The following MSRA variants were observed in gnomAD, a reference collection of about 807,000 sequenced individuals.
MSRA encodes the protein mitochondrial peptide methionine sulfoxide reductase.
Under a neutral mutation model 31.3 loss-of-function variants are expected in MSRA, and 54 were observed. The ratio of observed to expected loss-of-function variants is 1.73; its 90% confidence interval spans 1.39 to 2.17. The LOEUF (loss-of-function observed/expected upper bound fraction) is 2.17. Ranked by LOEUF, MSRA falls within the 30% of genes most tolerant of loss-of-function variation. MSRA has a pLI of 0.00. For synonymous variants in MSRA, 169 were observed against 116.5 expected, an observed-to-expected ratio of 1.45 and a Z score of -2.90; for missense variants, 507 against 300.9, an observed-to-expected ratio of 1.69 and a Z score of -5.07.
intron 3 of MSRA, among the ~76,000 whole-genome samples, chr8:10,258,343 A>G (rs1004593349): frequency 1.3e-5 from 2 of 152,214 alleles, no homozygotes; most frequent in Non-Finnish European, 2.9e-5. Flanking sequence ...AAAGTGAGAA[A>G]GACAAAACAC....
At chr8:10,251,243 T>C (rs887093198) in intron 3 of MSRA, among the ~76,000 whole-genome samples, 1 of 151,960 alleles carries the variant, frequency 6.6e-6, no homozygotes, top group African/African-American at 2.4e-5. Flanking sequence ...ATTTCTGAAG[T>C]GTTTGGGTGG....
chr8:10,083,364 G>A (rs936230152), intron 1 of MSRA, among the ~76,000 whole-genome samples: 1 of 152,150 alleles, frequency 6.6e-6, no homozygotes, highest in African/African-American at 2.4e-5. Context: ...TTAGATATGT[G>A]ACACATTTCC....
intron 1 of MSRA, among the ~76,000 whole-genome samples, chr8:10,127,699 G>T (rs1474998253): frequency 6.6e-6 from 1 of 152,134 alleles, no homozygotes; most frequent in African/African-American, 2.4e-5. Flanking sequence ...AAAGAGAATT[G>T]GGTTACCTTA....
chr8:10,358,631 C>T (rs1484328315), intron 5 of MSRA, among the ~76,000 whole-genome samples: 1 of 115,792 alleles, frequency 8.6e-6, no homozygotes, highest in East Asian at 2.8e-4. Flanking sequence ...CTCGCTCTGT[C>T]GCCCAGGCTG....
chr8:10,108,241 A>G (rs1800028040), intron 1 of MSRA, among the ~76,000 whole-genome samples: 1 of 152,168 alleles, frequency 6.6e-6, no homozygotes, highest in African/African-American at 2.4e-5. Flanking sequence ...GCCTTCCTGG[A>G]GATACCCATT....
intron 3 of MSRA, among the ~76,000 whole-genome samples, chr8:10,295,576 T>C (rs570957527): frequency 6.6e-6 from 1 of 152,170 alleles, no homozygotes; most frequent in Non-Finnish European, 1.5e-5. Context: ...AAATCTCGTC[T>C]ACATAAGACC....
In MSRA at chr8:10,209,424, C is replaced by G. The variant is rs1401331697; in HGVS notation, c.211+1523C>G. The stretch of plus-strand genomic sequence containing the variant: ...TGTGATATTGAAGTAAAACTTCTTT[C>G]TTGAAGGGCAGATTCAGTACCAGAT... On this transcript the variant is annotated intron_variant, in intron 2 of 5. Transcript: ENST00000317173. Among the ~76,000 whole-genome samples the G allele has an allele frequency of 2.6e-5, 4 of 152,294 alleles. No homozygotes were observed. In the East Asian group the frequency reaches 5.8e-4, roughly 22 times the overall value.
chr8:10,210,932 T>A (rs1809431686), intron 2 of MSRA, among the ~76,000 whole-genome samples: 1 of 151,648 alleles, frequency 6.6e-6, no homozygotes, highest in Admixed American at 6.6e-5. Flanking sequence ...GATGGGGTTT[T>A]TCCATGTTGG....
At chr8:10,319,155 T>G (rs1005405865) in intron 4 of MSRA, among the ~76,000 whole-genome samples, 2 of 152,160 alleles carry the variant, frequency 1.3e-5, no homozygotes, top group Admixed American at 6.5e-5. Context: ...TTTCCCCTGA[T>G]TATATTAGGA....
chr8:10,318,738 T>G (rs150200341), intron 4 of MSRA, among the ~76,000 whole-genome samples: 1 of 152,314 alleles, frequency 6.6e-6, no homozygotes, highest in African/African-American at 2.4e-5. Flanking sequence ...TTCTTTCTTC[T>G]AGGTTTTCAG....
At chr8:10,212,727 C>G (rs1809615879) in intron 2 of MSRA, among the ~76,000 whole-genome samples, 1 of 152,094 alleles carries the variant, frequency 6.6e-6, no homozygotes, top group Non-Finnish European at 1.5e-5. Context: ...TTGAGATATT[C>G]AGATGGTAGA....
intron 5 of MSRA, among the ~76,000 whole-genome samples, chr8:10,417,523 C>T (rs1249892188): frequency 1.3e-5 from 2 of 151,994 alleles, no homozygotes; most frequent in African/African-American, 4.8e-5. Flanking sequence ...TGTGGCTGAA[C>T]CGCAGGAGGT....
chr8:10,425,996 C>T (rs75328894), intron 5 of MSRA, among the ~76,000 whole-genome samples: 2,329 of 152,322 alleles, frequency 0.015, 50 homozygotes, highest in African/African-American at 0.053. Flanking sequence ...CCCCCACAGA[C>T]GTCGTCCTTA....
intron 3 of MSRA, among the ~76,000 whole-genome samples, chr8:10,268,813 A>G (rs1798879327): frequency 6.6e-6 from 1 of 152,238 alleles, no homozygotes; most frequent in East Asian, 1.9e-4. Context: ...ACACACCTGG[A>G]GGAGCTAACC....
At chr8:10,389,369 T>C (rs1806592432) in intron 5 of MSRA, among the ~76,000 whole-genome samples, 1 of 152,196 alleles carries the variant, frequency 6.6e-6, no homozygotes, top group South Asian at 2.1e-4. Flanking sequence ...GCCGTTACAG[T>C]GTGAGGGAGG....
At chr8:10,215,314 G>A (rs149023944) in intron 2 of MSRA, among the ~76,000 whole-genome samples, 167 of 152,242 alleles carry the variant, frequency 1.1e-3, no homozygotes, top group African/African-American at 3.9e-3. Flanking sequence ...AGTTTCTTCC[G>A]CCTTCTTAAG....
chr8:10,362,697 C>T (rs1464588928), intron 5 of MSRA, among the ~76,000 whole-genome samples: 2 of 152,072 alleles, frequency 1.3e-5, no homozygotes, highest in African/African-American at 2.4e-5. Context: ...CAGATGAGGA[C>T]CCTTTTGCAA....
rs562922400 is a variant in MSRA at position 10,139,017 on chromosome 8, G to A, written c.143-68816G>A. ...ACCTCTGTGTTGGGTGTTACATTAG[G>A]CCAGTCTGTTCTTTTGAGATCTAAG... On this transcript the variant is annotated intron_variant, in intron 1 of 5. Coordinates refer to ENST00000317173, the MANE Select transcript of MSRA (RefSeq NM_012331.5). 1.5e-3 allele frequency among the ~76,000 whole-genome samples: 227 copies of A among 152,294 alleles called. 1 individual carries two copies. Among genetic ancestry groups the A allele is most frequent in the Non-Finnish European group, 2.0e-3 (136 of 68,032 alleles).
intron 3 of MSRA, among the ~76,000 whole-genome samples, chr8:10,266,926 A>C (rs563942378): frequency 1.6e-4 from 25 of 152,202 alleles, no homozygotes; most frequent in Non-Finnish European, 3.1e-4. Context: ...CCTAAAGTAC[A>C]TTGCCCAGTT....
Sources: allele counts gnomAD v4.1 joint callset (sites outside exome capture counted in the v4.1 genomes callset), GRCh38; gene constraint gnomAD v4.1.1; transcripts MANE v1.5; gene names NCBI Gene and HGNC (gene_info 2026-07-23, HGNC 2026-07-21).